The following UGT2B4 variants were observed in gnomAD, a reference collection of about 807,000 sequenced individuals.
UGT2B4 encodes UDP-glucuronosyltransferase 2B4.
UGT2B4 carries 49 observed loss-of-function variants against 49.8 expected under a neutral mutation model. The ratio of observed to expected loss-of-function variants is 0.98; its 90% CI spans 0.78 to 1.25. UGT2B4 has a LOEUF of 1.25. Ranked by LOEUF, UGT2B4 falls within the 50% of genes most tolerant of loss-of-function variation. The pLI, the probability that UGT2B4 is intolerant of heterozygous loss-of-function variation, is 0.00. For missense variants in UGT2B4, 729 were observed against 627.7 expected, an observed-to-expected ratio of 1.16 and a Z score of -1.73; for synonymous variants, 246 against 217.7, an observed-to-expected ratio of 1.13 and a Z score of -1.14.
At chr4:69,514,321 G>A (rs1212469188) in intron 1 of UGT2B4, among the ~76,000 whole-genome samples, 2 of 152,062 alleles carry the variant, frequency 1.3e-5, no homozygotes, top group East Asian at 3.9e-4. Context: ...TCCCACCTAT[G>A]AGTGAGAGCA....
chr4:69,518,070 T>G (rs1390792366), intron 1 of UGT2B4: 1 of 152,272 alleles, frequency 6.6e-6, no homozygotes, highest in East Asian at 1.9e-4. Flanking sequence ...TCAGTTCTTT[T>G]GCTGACTGCC....
chr4:69,524,479 A>T (rs1020246637), intron 1 of UGT2B4, among the ~76,000 whole-genome samples: 8 of 151,880 alleles, frequency 5.3e-5, no homozygotes, highest in Non-Finnish European at 1.0e-4. Context: ...TTGATATCTT[A>T]TATGGGCATA....
rs1321613830 is a variant in UGT2B4 at position 69,480,676 on chromosome 4, G to A, written c.1545C>T (p.Val515=). 1 of 1,613,996 alleles carries A rather than the reference G, an allele frequency of 6.2e-7. No homozygotes were observed. The highest frequency in any genetic ancestry group is 8.5e-7 in the Non-Finnish European group (1 of 1,179,972). The change falls in exon 6 of 6, where the codon GTC becomes GTT. Residue 515 remains valine (V), a synonymous_variant. Transcript: ENST00000305107. ...IFIITKCLFC[V]WKFVRTGKKG... ...TCTTTCCTGTTCTAACAAACTTCCA[G>A]ACACAAAACAGACATTTTGTGATGA... is the stretch of plus-strand genomic sequence containing the variant.
At chr4:69,493,306 A>G (rs1728047777) in intron 2 of UGT2B4, among the ~76,000 whole-genome samples, 1 of 152,040 alleles carries the variant, frequency 6.6e-6, no homozygotes. Context: ...CACAGTTTTT[A>G]TTACTTGCAT....
At chr4:69,491,338 A>T (rs1239935072) in intron 2 of UGT2B4, among the ~76,000 whole-genome samples, 1 of 151,862 alleles carries the variant, frequency 6.6e-6, no homozygotes, top group African/African-American at 2.4e-5. Flanking sequence ...TTAATTTCAG[A>T]TGTTTGATTA....
intron 1 of UGT2B4, among the ~76,000 whole-genome samples, chr4:69,521,615 T>C (rs938646105): frequency 1.3e-5 from 2 of 152,108 alleles, no homozygotes; most frequent in Admixed American, 6.5e-5. Context: ...CCTAGCTTGA[T>C]GTTGGCAGGT....
upstream of UGT2B4, among the ~76,000 whole-genome samples, chr4:69,500,739 C>T (rs1040132310): frequency 6.6e-6 from 1 of 151,904 alleles, no homozygotes; most frequent in African/African-American, 2.4e-5. Context: ...GCAAACATCC[C>T]TGATCCAGGG....
At chr4:69,495,938 A>T, upstream of UGT2B4, 1 of 1,510,444 alleles carries the variant, frequency 6.6e-7, no homozygotes, top group South Asian at 1.4e-5. Context: ...AGTATAAATC[A>T]GTCAAGAAGT....
At chr4:69,512,684 C>T (rs566534088) in intron 1 of UGT2B4, among the ~76,000 whole-genome samples, 1 of 151,688 alleles carries the variant, frequency 6.6e-6, no homozygotes, top group Admixed American at 6.6e-5. Context: ...AGTGTAAAAC[C>T]ATTTTTTTCT....
At chr4:69,489,602 T>C (rs1727920880) in intron 2 of UGT2B4, 32 bp from the exon 3 acceptor site, 1 of 1,589,402 alleles carries the variant, frequency 6.3e-7, no homozygotes, top group African/African-American at 1.4e-5. Flanking sequence ...TCTATCATAA[T>C]AGATTATCAG....
chr4:69,507,643 T>C (rs181717238), intron 1 of UGT2B4, among the ~76,000 whole-genome samples: 35 of 151,928 alleles, frequency 2.3e-4, no homozygotes, highest in African/African-American at 8.2e-4. Context: ...ATGGCCATAC[T>C]GTACAAAGCC....
At chr4:69,506,321 A>G (rs1728466272) in intron 1 of UGT2B4, among the ~76,000 whole-genome samples, 1 of 152,028 alleles carries the variant, frequency 6.6e-6, no homozygotes. Flanking sequence ...TTAACAAAAT[A>G]GAATTCTAGC....
chr4:69,495,968 T>A (rs1002987905), upstream of UGT2B4: 176 of 1,482,286 alleles, frequency 1.2e-4, no homozygotes, highest in Non-Finnish European at 2.9e-5. Flanking sequence ...ACTTTTACAC[T>A]TCAAAGTAAA....
chr4:69,494,495 CA>C (rs955553066), intron 1 of UGT2B4, among the ~76,000 whole-genome samples: 86 of 150,744 alleles, frequency 5.7e-4, no homozygotes, highest in African/African-American at 2.0e-3. Flanking sequence ...TACATAGTTT[CA>C]AAAAAAAACT....
intron 2 of UGT2B4, 148 bp downstream of exon 2, chr4:69,493,545 T>C: frequency 1.1e-6 from 1 of 888,378 alleles, no homozygotes. Context: ...CTTGTGATAG[T>C]ATCAACATGT....
chr4:69,501,494 G>T (rs2642872), intron 1 of UGT2B4, among the ~76,000 whole-genome samples: 21,564 of 151,998 alleles, frequency 0.14, 1,844 homozygotes, highest in Non-Finnish European at 0.19. Context: ...TTTCAACTTG[G>T]AGGCTTTGAA....
At chr4:69,486,747 TAGAA>T (rs781238058) in intron 3 of UGT2B4, 51 bp from the exon 4 acceptor site, 20 of 1,355,400 alleles carry the variant, frequency 1.5e-5, no homozygotes, top group Middle Eastern at 2.0e-4. Flanking sequence ...TCAAAAGTCA[TAGAA>T]TGTTAGAAAT....
intron 1 of UGT2B4, among the ~76,000 whole-genome samples, chr4:69,524,449 A>T (rs972267898): frequency 1.4e-4 from 22 of 151,988 alleles, no homozygotes; most frequent in African/African-American, 5.3e-4. Flanking sequence ...CACTCAGTAG[A>T]CAAATAATAT....
At chr4:69,520,678 A>G (rs1406629288) in intron 1 of UGT2B4, among the ~76,000 whole-genome samples, 1 of 152,220 alleles carries the variant, frequency 6.6e-6, no homozygotes, top group South Asian at 2.1e-4. Context: ...CAGCCCCATG[A>G]CACCTCAGCC....
Sources: allele counts gnomAD v4.1 joint callset (sites outside exome capture counted in the v4.1 genomes callset), GRCh38; gene constraint gnomAD v4.1.1; transcripts MANE v1.5; gene names NCBI Gene and HGNC (gene_info 2026-07-23, HGNC 2026-07-21).